Variants in MAST4 observed in about 807,000 individuals in gnomAD.
The protein encoded by MAST4 is microtubule associated serine/threonine kinase family member 4, also known as microtubule-associated serine/threonine-protein kinase 4.
In MAST4, 89 loss-of-function variants were observed where a neutral mutation model predicts 162.7. The observed-to-expected ratio is 0.55, with a 90% CI of 0.46 to 0.65. The LOEUF (loss-of-function observed/expected upper bound fraction) is 0.65. MAST4 is among the 30% of genes least tolerant of loss of function. MAST4 has a pLI of 0.00. For synonymous variants in MAST4, 1,479 were observed against 1,361.1 expected (o/e 1.09, Z -1.91); for missense variants, 3,153 against 3,374.0 (o/e 0.93, Z 1.62).
chr5:66,885,326 T>C (rs1376719063), intron 3 of MAST4, among the ~76,000 whole-genome samples: 1 of 152,212 alleles, frequency 6.6e-6, no homozygotes, highest in Non-Finnish European at 1.5e-5. Context: ...ATCAGAATTT[T>C]CCACACTTTT....
chr5:66,897,950 G>A (rs761106235), intron 3 of MAST4, among the ~76,000 whole-genome samples: 25 of 152,180 alleles, frequency 1.6e-4, no homozygotes, highest in Non-Finnish European at 3.5e-4. Context: ...TGGGTCATTC[G>A]TTTGGTCCCT....
intron 3 of MAST4, among the ~76,000 whole-genome samples, chr5:66,870,300 C>T (rs1451321486): frequency 1.3e-5 from 2 of 152,200 alleles, no homozygotes; most frequent in South Asian, 2.1e-4. Flanking sequence ...CTGAGGCAGG[C>T]GACTTGTCAT....
chr5:66,856,738 T>C (rs1759712164), intron 3 of MAST4, among the ~76,000 whole-genome samples: 1 of 152,260 alleles, frequency 6.6e-6, no homozygotes, highest in Non-Finnish European at 1.5e-5. Context: ...TATGCCCATA[T>C]TACTGTAGGA....
chr5:66,871,312 A>G (rs1477971558), intron 3 of MAST4, among the ~76,000 whole-genome samples: 1 of 152,208 alleles, frequency 6.6e-6, no homozygotes, highest in Non-Finnish European at 1.5e-5. Flanking sequence ...TTTTCAATGT[A>G]ATATATTTAC....
intron 1 of MAST4, among the ~76,000 whole-genome samples, chr5:66,719,819 A>T (rs186093457): frequency 6.6e-6 from 1 of 151,862 alleles, no homozygotes; most frequent in African/African-American, 2.4e-5. Context: ...TTTTTTCCTT[A>T]AAGTATTTGT....
chr5:66,862,210 G>C (rs1760170343), intron 3 of MAST4, among the ~76,000 whole-genome samples: 1 of 152,144 alleles, frequency 6.6e-6, no homozygotes, highest in Admixed American at 6.5e-5. Context: ...GAGCTATGTT[G>C]AAAATTTTAT....
chr5:66,860,153 G>A (rs899980310), intron 3 of MAST4, among the ~76,000 whole-genome samples: 2 of 152,182 alleles, frequency 1.3e-5, no homozygotes, highest in African/African-American at 4.8e-5. Context: ...TGTGACCTCA[G>A]ACACATTTTT....
intron 4 of MAST4, among the ~76,000 whole-genome samples, chr5:67,038,890 A>T (rs1300058791): frequency 1.3e-5 from 2 of 152,218 alleles, no homozygotes; most frequent in Non-Finnish European, 2.9e-5. Context: ...TTTTGTAATA[A>T]ATAGTCACTG....
At chr5:66,793,011 T>C (rs1755489331) in intron 3 of MAST4, among the ~76,000 whole-genome samples, 1 of 152,186 alleles carries the variant, frequency 6.6e-6, no homozygotes, top group African/African-American at 2.4e-5. Context: ...TGAGAGGTAT[T>C]AATATGTTAG....
intron 4 of MAST4, among the ~76,000 whole-genome samples, chr5:66,949,445 C>T (rs952050385): frequency 6.6e-6 from 1 of 152,160 alleles, no homozygotes; most frequent in South Asian, 2.1e-4. Context: ...CGCCTTCACT[C>T]GGCACTTCTT....
rs111937316 is a variant in MAST4, at chr5:67,073,756, G to A, written c.764-16406G>A. Among the ~76,000 whole-genome samples, 1,435 of 152,268 alleles carry A rather than the reference G, an allele frequency of 9.4e-3. 26 individuals carry two copies. The highest frequency in any genetic ancestry group is 0.032 in the African/African-American group (1,338 of 41,560). The stretch of plus-strand genomic sequence containing the variant: ...TGCAAAGGAAATAGTTTAATCAACA[G>A]ATGATACTGGGAAAAGTATATGAAA... On this transcript the variant is annotated intron_variant, in intron 5 of 28. Transcript: ENST00000403625.
At chr5:66,757,714 C>T (rs565273209) in intron 1 of MAST4, among the ~76,000 whole-genome samples, 3 of 152,262 alleles carry the variant, frequency 2.0e-5, no homozygotes, top group Admixed American at 6.5e-5. Flanking sequence ...AGAGCAAAAA[C>T]GGTGTGACAA....
chr5:66,918,159 C>G (rs1764240919), intron 4 of MAST4, among the ~76,000 whole-genome samples: 2 of 152,042 alleles, frequency 1.3e-5, no homozygotes, highest in Admixed American at 1.3e-4. Context: ...ATAGCCATGA[C>G]TTTTTAATTA....
intron 4 of MAST4, among the ~76,000 whole-genome samples, chr5:66,954,230 A>G (rs1037739988): frequency 6.6e-6 from 1 of 152,132 alleles, no homozygotes; most frequent in Non-Finnish European, 1.5e-5. Flanking sequence ...GTATACAGCT[A>G]GTCCATGATG....
chr5:66,860,984 G>A (rs752758271), intron 3 of MAST4, among the ~76,000 whole-genome samples: 2 of 152,134 alleles, frequency 1.3e-5, no homozygotes, highest in African/African-American at 4.8e-5. Flanking sequence ...TCTGGTGCTC[G>A]GAAGGCCAGC....
At chr5:66,731,119 A>G (rs926490006) in intron 1 of MAST4, among the ~76,000 whole-genome samples, 1 of 152,210 alleles carries the variant, frequency 6.6e-6, no homozygotes, top group Non-Finnish European at 1.5e-5. Context: ...AAAAACTTAG[A>G]TGGGCCACAG....
intron 3 of MAST4, among the ~76,000 whole-genome samples, chr5:66,837,261 G>A (rs1758043009): frequency 6.6e-6 from 1 of 152,038 alleles, no homozygotes; most frequent in South Asian, 2.1e-4. Flanking sequence ...AGTTAACGTT[G>A]AGAACGTATT....
intron 4 of MAST4, among the ~76,000 whole-genome samples, chr5:66,968,638 A>C (rs764202614): frequency 3.3e-5 from 5 of 152,232 alleles, no homozygotes; most frequent in African/African-American, 4.8e-5. Flanking sequence ...CCTGGGACTC[A>C]AGCCTGTTCT....
At chr5:66,876,114 G>T (rs568746930) in intron 3 of MAST4, among the ~76,000 whole-genome samples, 1 of 152,206 alleles carries the variant, frequency 6.6e-6, no homozygotes, top group East Asian at 1.9e-4. Flanking sequence ...ACACTCAGCA[G>T]TGTGTTAGCC....
Sources: allele counts gnomAD v4.1 joint callset (sites outside exome capture counted in the v4.1 genomes callset), GRCh38; gene constraint gnomAD v4.1.1; transcripts MANE v1.5; gene names NCBI Gene and HGNC (gene_info 2026-07-23, HGNC 2026-07-21).